Variants in KIF1B observed in about 807,000 individuals in gnomAD.
KIF1B encodes the protein kinesin family member 1B, also known as kinesin-like protein KIF1B.
Under a neutral mutation model 241.9 loss-of-function variants are expected in KIF1B, and 76 were observed. The observed-to-expected ratio is 0.31, with a 90% CI of 0.26 to 0.38. The LOEUF (loss-of-function observed/expected upper bound fraction) is 0.38, where lower values mean the gene tolerates loss of function less well. Among genes scored for constraint, KIF1B ranks in the 10% least tolerant of loss-of-function variants. The probability of loss-of-function intolerance (pLI) is 1.00; values close to 1 mark genes in which losing one functional copy is unlikely to be tolerated. For missense variants in KIF1B, 1,622 were observed against 2,271.4 expected (o/e 0.71, Z 5.81); for synonymous variants, 750 against 796.7 (o/e 0.94, Z 0.99).
intron 2 of KIF1B, among the ~76,000 whole-genome samples, chr1:10,233,406 A>G (rs1647006940): frequency 6.6e-6 from 1 of 152,140 alleles, no homozygotes; most frequent in Non-Finnish European, 1.5e-5. Flanking sequence ...ACTTGAGTCC[A>G]GGAGTTGAGG....
intron 22 of KIF1B, among the ~76,000 whole-genome samples, chr1:10,310,958 T>C (rs1264122797): frequency 6.6e-6 from 1 of 151,582 alleles, no homozygotes; most frequent in Admixed American, 6.6e-5. Context: ...TCTTCCTTTG[T>C]CTAGTTTTGC....
chr1:10,282,423 T>A lies in KIF1B; in HGVS notation c.1324T>A (p.Ser442Thr). Reference sequence around the variant, plus strand: ...AGCATCCATGGGGTCCCTCACTTCATCCCCATCTTCCTGCTCACTCAGTAG... The same window carrying A: ...AGCATCCATGGGGTCCCTCACTTCAACCCCATCTTCCTGCTCACTCAGTAG... Reference protein sequence around the residue: ...STASMGSLTSSPSSCSLSSQV... With the variant: ...STASMGSLTSTPSSCSLSSQV... The change falls in exon 15 of 49, where the codon TCC becomes ACC. Residue 442 changes from serine to threonine, a missense_variant. Physicochemically the swap from Ser to Thr is moderately conservative, Grantham distance 58. Coordinates refer to ENST00000676179, the MANE Select transcript of KIF1B (RefSeq NM_001365951.3). 1 of 1,614,120 alleles carries A rather than the reference T, an allele frequency of 6.2e-7. No individual in the cohort carries two copies. The highest frequency in any genetic ancestry group is 8.5e-7 in the Non-Finnish European group (1 of 1,179,988).
chr1:10,345,859 T>C lies in KIF1B; in HGVS notation c.3703T>C (p.Leu1235=), dbSNP rs760494824. 1.2e-6 allele frequency: 2 copies of C among 1,614,126 alleles called. No homozygotes were observed. Among genetic ancestry groups the C allele is most frequent in the Admixed American group, 3.3e-5 (2 of 60,018 alleles). ...PLSKPVPATK[L]NTMSKTSLGQ... is the part of the protein sequence containing the mutation. ...ACTTTTAAAAGTTCCAGCCACCAAG[T>C]TAAACACGATGAGCAAAACCAGCCT... Residue 1235 remains leucine (L), a synonymous_variant, in exon 35 of 49, where the codon TTA becomes CTA. Transcript: ENST00000676179.
rs1216962793 is a variant in KIF1B, at chr1:10,356,916, A to AAATT, written c.4056-4010_4056-4009insTAAT. Among the ~76,000 whole-genome samples, 69 of 151,898 alleles carry AAATT rather than the reference A, an allele frequency of 4.5e-4. 1 individual carries two copies. Among genetic ancestry groups the AAATT allele is most frequent in the Non-Finnish European group, 1.2e-4 (8 of 67,972 alleles). On this transcript the variant is annotated intron_variant, in intron 38 of 48. Transcript: ENST00000676179. Reference sequence around the variant, plus strand: ...TCCGTCTCTAAATAAATAAATAAATAAATAAATAAATAAAGTGCGGTAGCA... The same window carrying AAATT: ...TCCGTCTCTAAATAAATAAATAAATAAATTAATAAATAAATAAAGTGCGGTAGCA...
intron 44 of KIF1B, among the ~76,000 whole-genome samples, chr1:10,369,201 T>C (rs115286083): frequency 0.017 from 2,624 of 152,348 alleles, 85 homozygotes; most frequent in African/African-American, 0.06. Flanking sequence ...ATAGCACTAA[T>C]TACTACCTGA....
rs980599892 is a variant in KIF1B at position 10,337,660 on chromosome 1, A to G, written c.3422+127A>G. On this transcript the variant is annotated intron_variant, in intron 31 of 48. Coordinates refer to ENST00000676179, the MANE Select transcript of KIF1B (RefSeq NM_001365951.3). This position sits in a 1 kb window ranked among gnomAD's most constrained non-coding sequence, Gnocchi z 4.0. ...GAGACAAAGACTGATCAGTCTCTGA[A>G]GGAAAATACTTTCATCACTCCTATG... 9.3e-6 allele frequency: 10 copies of G among 1,070,712 alleles called. No homozygotes were observed. Among genetic ancestry groups the G allele is most frequent in the Non-Finnish European group, 1.4e-5 (10 of 718,398 alleles). 66.3% of individuals were successfully genotyped at this position (1,070,712 alleles called of 1,614,324 possible).
intron 2 of KIF1B, among the ~76,000 whole-genome samples, chr1:10,251,013 A>G (rs1647408885): frequency 6.6e-6 from 1 of 152,080 alleles, no homozygotes; most frequent in African/African-American, 2.4e-5. Context: ...GTAAAATACA[A>G]AAATCAGCCA....
At position 10,342,087 on chromosome 1, in the gene KIF1B, T is replaced by C; in HGVS notation, c.3551T>C (p.Ile1184Thr). The C allele has an allele frequency of 6.2e-7, 1 of 1,613,554 alleles. No individual in the cohort carries two copies. Among genetic ancestry groups the C allele is most frequent in the Non-Finnish European group, 8.5e-7 (1 of 1,179,438 alleles). ...VEITESFVDY[I>T]KTKPIVFEVF... ...ATCACTGAATCATTTGTGGATTACA[T>C]CAAAACCAAGCCTATTGTATTTGAA... The change falls in exon 33 of 49, where the codon ATC (isoleucine) becomes ACC (threonine). Residue 1184 changes from isoleucine (I) to threonine (T), a missense_variant. Physicochemically the swap from Ile to Thr is moderately conservative, Grantham distance 89. This residue lies in a region of KIF1B where 803 missense variants were observed against 1,112.0 expected (regional missense o/e 0.72). Transcript: ENST00000676179.
chr1:10,308,129 G>A, intron 22 of KIF1B: 1 of 1,061,200 alleles, frequency 9.4e-7, no homozygotes, highest in East Asian at 5.1e-5. Context: ...CTGTGCCCCA[G>A]TGCCTTACTG....
Position 10,244,395 on chromosome 1 carries a change from A to G in KIF1B, c.107-11852A>G, listed in dbSNP as rs548590224. 6.1e-5 allele frequency among the ~76,000 whole-genome samples: 9 copies of G among 148,318 alleles called. 2 individuals are homozygous for G. Among genetic ancestry groups the G allele is most frequent in the African/African-American group, 1.2e-4 (5 of 40,234 alleles). On this transcript the variant is annotated intron_variant, in intron 2 of 48. Transcript: ENST00000676179. ...AATGGCCCGATCTCGGCTCACCGCA[A>G]CCTCCGCCTCCCAGGTTCAAGCAAT... is the stretch of plus-strand genomic sequence containing the variant.
At chr1:10,311,809 C>T (rs1324693892) in intron 22 of KIF1B, among the ~76,000 whole-genome samples, 2 of 151,238 alleles carry the variant, frequency 1.3e-5, no homozygotes, top group East Asian at 1.9e-4. Context: ...TTTCTCTGTT[C>T]CCCCTTCCAT....
At chr1:10,322,515 C>T (rs985919886) in intron 24 of KIF1B, among the ~76,000 whole-genome samples, 1 of 152,218 alleles carries the variant, frequency 6.6e-6, no homozygotes, top group South Asian at 2.1e-4. Context: ...AAACTTCACA[C>T]CAAACCTTAG....
At chr1:10,306,403 A>ATTT in intron 22 of KIF1B, 1 of 1,020,674 alleles carries the variant, frequency 9.8e-7, no homozygotes, top group Middle Eastern at 4.5e-4. Flanking sequence ...CTCTTTAGAC[A>ATTT]TAAATGTGCT....
chr1:10,320,150 A>G lies in KIF1B; in HGVS notation c.2209+14A>G. 6.4e-7 allele frequency: 1 copy of G among 1,562,610 alleles called. No individual in the cohort carries two copies. The highest frequency in any genetic ancestry group is 8.8e-7 in the Non-Finnish European group (1 of 1,133,870). ...AAGAGGAAGAAGGTGAAATCTAGAG[A>G]CCGAAAGTTTCCTGTGTATATCTTT... On this transcript the variant is annotated intron_variant, in intron 23 of 48. Coordinates refer to ENST00000676179, the MANE Select transcript of KIF1B (RefSeq NM_001365951.3).
intron 5 of KIF1B, 128 bp from the exon 6 acceptor site, chr1:10,267,252 G>T (rs936798241): frequency 4.1e-6 from 3 of 732,356 alleles, no homozygotes; most frequent in Non-Finnish European, 7.3e-6. Flanking sequence ...CTCGTAGTTC[G>T]AGTGATCTCA....
Position 10,374,846 on chromosome 1 carries a change from G to GT in KIF1B, c.5097-3dup. On this transcript the variant is annotated splice_region_variant and splice_polypyrimidine_tract_variant and intron_variant, in intron 46 of 48. Coordinates refer to ENST00000676179, the MANE Select transcript of KIF1B (RefSeq NM_001365951.3). This position sits in a 1 kb window ranked among gnomAD's most constrained non-coding sequence, Gnocchi z 4.3. The stretch of plus-strand genomic sequence containing the variant: ...AGAAACTAACTTTTGTCATATTGTC[G>GT]TTTTTAGCTCAGTGGTCTCTAAGAA... The GT allele has an allele frequency of 2.5e-6, 4 of 1,613,722 alleles. No individual in the cohort carries two copies. Among genetic ancestry groups the GT allele is most frequent in the Non-Finnish European group, 3.4e-6 (4 of 1,179,678 alleles).
intron 2 of KIF1B, among the ~76,000 whole-genome samples, chr1:10,247,837 G>A (rs769382696): frequency 2.6e-5 from 4 of 152,224 alleles, no homozygotes; most frequent in South Asian, 4.1e-4. Context: ...TTCCACAGAC[G>A]GGGGTGGAAG....
At chr1:10,361,873 C>T in intron 40 of KIF1B, 48 bp downstream of exon 40, 6 of 1,601,998 alleles carry the variant, frequency 3.7e-6, no homozygotes, top group Non-Finnish European at 5.1e-6. Context: ...TTCAGTACAA[C>T]AGAATCATTA....
chr1:10,290,410 T>C (rs1174696716), intron 15 of KIF1B, among the ~76,000 whole-genome samples: 1 of 152,208 alleles, frequency 6.6e-6, no homozygotes, highest in African/African-American at 2.4e-5. Flanking sequence ...TGCTGGGTTG[T>C]GTTCAGGAGG....
Sources: allele counts gnomAD v4.1 joint callset (sites outside exome capture counted in the v4.1 genomes callset), GRCh38; gene constraint gnomAD v4.1.1; regional missense constraint gnomAD v4.1.1; non-coding constraint Gnocchi (gnomAD v3.1); transcripts MANE v1.5; gene names NCBI Gene and HGNC (gene_info 2026-07-23, HGNC 2026-07-21).